Variants in PPIF observed in about 807,000 individuals in gnomAD.
PPIF encodes peptidyl-prolyl cis-trans isomerase F, mitochondrial.
A neutral mutation model predicts 20.2 loss-of-function variants in PPIF; 23 were observed. That is an observed-to-expected ratio of 1.14 (90% CI 0.82 to 1.61). The LOEUF (loss-of-function observed/expected upper bound fraction) is 1.61. Among genes scored for constraint, PPIF ranks in the 40% most tolerant of loss-of-function variants. The probability of loss-of-function intolerance (pLI) is 0.00; values close to 1 mark genes in which losing one functional copy is unlikely to be tolerated. For missense variants in PPIF, 287 were observed against 291.6 expected, an observed-to-expected ratio of 0.98 and a Z score of 0.11; for synonymous variants, 113 against 123.1, an observed-to-expected ratio of 0.92 and a Z score of 0.54.
At chr10:79,350,259 A>T (rs754062730) in intron 3 of PPIF, among the ~76,000 whole-genome samples, 3 of 152,198 alleles carry the variant, frequency 2.0e-5, no homozygotes, top group Non-Finnish European at 2.9e-5. Flanking sequence ...GTCATGTGTC[A>T]TGCTCAGTTT....
chr10:79,354,634 C>A lies in PPIF; in HGVS notation c.*792C>A, dbSNP rs1043972548. ...GTGTGTTAAAGAAATTCAATCTACT[C>A]ATGATGTGTTATGCATAAAACATTT... On this transcript the variant is annotated 3_prime_UTR_variant, in exon 6 of 6. Transcript: ENST00000225174. The A allele has an allele frequency of 6.5e-6, 1 of 152,742 alleles. No homozygotes were observed. Among genetic ancestry groups the A allele is most frequent in the Non-Finnish European group, 1.5e-5 (1 of 68,056 alleles). 9.5% of individuals were successfully genotyped at this position (152,742 alleles called of 1,614,324 possible). A position where few individuals can be genotyped will look rare whatever the true frequency, so the allele number is the denominator to read the frequency against.
chr10:79,349,824 G>A, intron 3 of PPIF, 71 bp downstream of exon 3: 5 of 1,603,278 alleles, frequency 3.1e-6, no homozygotes, highest in Non-Finnish European at 4.3e-6. Context: ...GAAGATGCCT[G>A]GTATGAGGAA....
At chr10:79,350,599 G>A (rs1855968450) in intron 3 of PPIF, among the ~76,000 whole-genome samples, 2 of 152,360 alleles carry the variant, frequency 1.3e-5, no homozygotes, top group South Asian at 4.1e-4. Flanking sequence ...AGGGACGGCA[G>A]GCCTGGCCCA....
At chr10:79,349,970 C>A in intron 3 of PPIF, 3 of 1,025,966 alleles carry the variant, frequency 2.9e-6, no homozygotes, top group Non-Finnish European at 4.1e-6. Flanking sequence ...AGGCCCTGCC[C>A]GGGGGACTGG....
chr10:79,347,589 TCTCCGTCCCGCG>T lies in PPIF; in HGVS notation c.48_59del (p.Arg18_Pro21del). The T allele has an allele frequency of 1.4e-6, 2 of 1,412,412 alleles. No homozygotes were observed. Among genetic ancestry groups the T allele is most frequent in the East Asian group, 3.1e-5 (1 of 32,466 alleles). The allele number at this position is 1,412,412 out of a possible 1,614,324, so 87.5% of individuals were successfully genotyped here. ...TGCGGCTCCCGCTGGCTCGGCCTGC[TCTCCGTCCCGCG>T]CTCCGTGCCGCTGCGCCTCCCCGCG... On this transcript the variant is annotated inframe_deletion, in exon 1 of 6. Transcript: ENST00000225174.
At chr10:79,351,901 A>T (rs1855987496) in intron 4 of PPIF, among the ~76,000 whole-genome samples, 1 of 152,226 alleles carries the variant, frequency 6.6e-6, no homozygotes, top group Non-Finnish European at 1.5e-5. Context: ...GAATTGTTGC[A>T]GAATGGTCCT....
intron 3 of PPIF, 27 bp downstream of exon 3, chr10:79,349,780 G>A (rs1855955621): frequency 6.2e-7 from 1 of 1,613,418 alleles, no homozygotes; most frequent in Non-Finnish European, 8.5e-7. Context: ...TTCTGTAAGG[G>A]GGGATGAGAG....
intron 5 of PPIF, 130 bp from the exon 6 acceptor site, chr10:79,353,577 G>T (rs927235379): frequency 1.2e-5 from 18 of 1,515,002 alleles, no homozygotes; most frequent in Non-Finnish European, 1.6e-5. Flanking sequence ...AGCTTTGGGG[G>T]TAGATCTAGC....
intron 3 of PPIF, among the ~76,000 whole-genome samples, chr10:79,350,679 G>A (rs1394739502): frequency 6.6e-6 from 1 of 152,250 alleles, no homozygotes; most frequent in Non-Finnish European, 1.5e-5. Flanking sequence ...TCCAGCGCGG[G>A]AGGGCTCCCT....
rs377684667 is a variant in PPIF at position 79,351,590 on chromosome 10, G to C, written c.412+7G>C. 6.2e-7 allele frequency: 1 copy of C among 1,612,604 alleles called. No homozygotes were observed. Among genetic ancestry groups the C allele is most frequent in the South Asian group, 1.1e-5 (1 of 91,018 alleles). ...CTGAAGCACGTGGGGCCAGGTGAGT[G>C]GGGGCCTCCTCTAGGGTGAGTGTCC... On this transcript the variant is annotated splice_region_variant and intron_variant, in intron 4 of 5. Transcript: ENST00000225174.
Position 79,355,037 on chromosome 10 carries a change from A to G in PPIF, c.*1195A>G, listed in dbSNP as rs531363186. ...AATCTCATGTTGAACTGTAATCCCC[A>G]GTGCTGGAGGTGGGGCCTGCTACGA... is the stretch of plus-strand genomic sequence containing the variant. On this transcript the variant is annotated 3_prime_UTR_variant, in exon 6 of 6. Coordinates refer to ENST00000225174, the MANE Select transcript of PPIF (RefSeq NM_005729.4). 2.6e-5 allele frequency: 4 copies of G among 152,466 alleles called. No individual in the cohort carries two copies. The highest frequency in any genetic ancestry group is 2.1e-4 in the South Asian group (1 of 4,828). The allele number at this position is 152,466 out of a possible 1,614,324, so 9.4% of individuals were successfully genotyped here.
intron 4 of PPIF, among the ~76,000 whole-genome samples, chr10:79,352,036 G>A (rs1855988625): frequency 6.6e-6 from 1 of 152,070 alleles, no homozygotes; most frequent in Admixed American, 6.5e-5. Context: ...GAGATGTCTG[G>A]AGGTCAGGTC....
chr10:79,352,485 A>G lies in PPIF; in HGVS notation c.488+93A>G, dbSNP rs980305516. ...TTTTAGGGGCAGGCAGTTTACAGCC[A>G]GGCCTTCTGCTCTGGGACAGTGGCC... On this transcript the variant is annotated intron_variant, in intron 5 of 5. Transcript: ENST00000225174. The G allele has an allele frequency of 2.3e-6, 3 of 1,330,324 alleles. No individual in the cohort carries two copies. In the African/African-American group the frequency reaches 4.3e-5, roughly 19 times the overall value. The allele number at this position is 1,330,324 out of a possible 1,614,324, so 82.4% of individuals were successfully genotyped here.
intron 2 of PPIF, among the ~76,000 whole-genome samples, 190 bp downstream of exon 2, chr10:79,349,296 G>T (rs1855945967): frequency 6.6e-6 from 1 of 152,268 alleles, no homozygotes; most frequent in Non-Finnish European, 1.5e-5. Context: ...CGTTGGCTCT[G>T]CCCTCCTCTC....
intron 1 of PPIF, 44 bp downstream of exon 1, chr10:79,347,787 C>T (rs781151719): frequency 9.5e-6 from 12 of 1,268,404 alleles, no homozygotes; most frequent in Non-Finnish European, 1.2e-5. Flanking sequence ...GACACGGGCC[C>T]GGGGAGAGCC....
Position 79,347,583 on chromosome 10 carries a change from G to C in PPIF, c.35G>C (p.Gly12Ala). Residue 12 changes from glycine to alanine, a missense_variant, in exon 1 of 6, where the codon GGC becomes GCC. By Grantham distance (60) the Gly-to-Ala change is moderately conservative. Coordinates refer to ENST00000225174, the MANE Select transcript of PPIF (RefSeq NM_005729.4). ...CTGCGCTGCGGCTCCCGCTGGCTCG[G>C]CCTGCTCTCCGTCCCGCGCTCCGTG... The part of the protein sequence containing the change: ...LALRCGSRWL[G>A]LLSVPRSVPL... 7.1e-7 allele frequency: 1 copy of C among 1,403,656 alleles called. No homozygotes were observed. Among genetic ancestry groups the C allele is most frequent in the Non-Finnish European group, 9.3e-7 (1 of 1,076,158 alleles). 87.0% of individuals were successfully genotyped at this position (1,403,656 alleles called of 1,614,324 possible).
At position 79,351,485 on chromosome 10, in the gene PPIF, A is replaced by G. The variant is rs760640244; in HGVS notation, c.316-2A>G. 3.8e-5 allele frequency: 62 copies of G among 1,613,772 alleles called. No homozygotes were observed. In the South Asian group the frequency reaches 6.5e-4, roughly 17 times the overall value. On this transcript the variant is annotated splice_acceptor_variant, in intron 3 of 5. Coordinates refer to ENST00000225174, the MANE Select transcript of PPIF (RefSeq NM_005729.4). LOFTEE classifies it high-confidence loss of function. ...CACTCAGAAGGTGCTTTGTGCTCAC[A>G]GGCGGGCGACTTCACCAACCACAAT...
chr10:79,352,655 C>A lies in PPIF; in HGVS notation c.488+263C>A, dbSNP rs551339392. Among the ~76,000 whole-genome samples the A allele has an allele frequency of 2.6e-5, 4 of 152,352 alleles. No individual in the cohort carries two copies. In the South Asian group the frequency reaches 8.3e-4, roughly 32 times the overall value. ...ATTTTCTGAGTGTGTTCTGCTCACA[C>A]GCACACACGAAAGGGTTTCTCTACC... On this transcript the variant is annotated intron_variant, in intron 5 of 5. Transcript: ENST00000225174.
intron 1 of PPIF, 146 bp from the exon 2 acceptor site, chr10:79,348,930 G>A: frequency 3.8e-6 from 6 of 1,577,652 alleles, no homozygotes; most frequent in Non-Finnish European, 5.2e-6. Context: ...CCTCCCATGG[G>A]GGTTGGCAAT....
Sources: gnomAD v4.1 joint callset for allele counts (sites outside exome capture counted in the v4.1 genomes callset) on GRCh38, gnomAD v4.1.1 for gene constraint, MANE v1.5 for transcripts, NCBI Gene and HGNC (gene_info 2026-07-23, HGNC 2026-07-21) for gene names.